AUTS2: variants seen among roughly 807,000 people sequenced by gnomAD.
AUTS2 encodes the protein activator of transcription and developmental regulator AUTS2.
Under a neutral mutation model 112.4 loss-of-function variants are expected in AUTS2, and 17 were observed. The observed-to-expected ratio is 0.15, with a 90% CI of 0.10 to 0.23. The LOEUF (loss-of-function observed/expected upper bound fraction) is 0.23, where lower values mean the gene tolerates loss of function less well. Among genes scored for constraint, AUTS2 ranks in the 10% least tolerant of loss-of-function variants. The pLI, the probability that AUTS2 is intolerant of heterozygous loss-of-function variation, is 1.00. For missense variants in AUTS2, 1,510 were observed against 1,701.6 expected (o/e 0.89, Z 1.98); for synonymous variants, 751 against 702.7 (o/e 1.07, Z -1.09).
intron 2 of AUTS2, among the ~76,000 whole-genome samples, chr7:70,016,386 TC>T (rs1275514890): frequency 1.3e-5 from 2 of 152,132 alleles, no homozygotes; most frequent in Non-Finnish European, 2.9e-5. Flanking sequence ...ATTTTTTTTT[TC>T]CTGACTTCAC....
intron 5 of AUTS2, among the ~76,000 whole-genome samples, chr7:70,537,853 A>G (rs1800384522): frequency 6.6e-6 from 1 of 152,190 alleles, no homozygotes; most frequent in Non-Finnish European, 1.5e-5. Context: ...TATCTTGAGA[A>G]ACCTGACTGC....
Position 70,790,957 on chromosome 7 carries a change from G to GC in AUTS2, c.3746dup (p.Ser1250PhefsTer32). On this transcript the variant is annotated frameshift_variant, in exon 19 of 19. Coordinates refer to ENST00000342771, the MANE Select transcript of AUTS2 (RefSeq NM_015570.4). LOFTEE classifies it high-confidence loss of function. The surrounding 1 kb of genome is among the most constrained non-coding windows in gnomAD (Gnocchi z 7.6). ...CTCTGTCCGCAGAGATAAGGGAGAG[G>GC]CCCCCTTCCCACACGCTGAAGGATA... 1 of 1,511,314 alleles carries GC rather than the reference G, an allele frequency of 6.6e-7. No homozygotes were observed. The highest frequency in any genetic ancestry group is 8.9e-7 in the Non-Finnish European group (1 of 1,129,800). 93.6% of individuals were successfully genotyped at this position (1,511,314 alleles called of 1,614,324 possible).
At chr7:69,962,463 C>A (rs1471341991) in intron 2 of AUTS2, among the ~76,000 whole-genome samples, 1 of 152,130 alleles carries the variant, frequency 6.6e-6, no homozygotes, top group East Asian at 1.9e-4. Flanking sequence ...TAGGAAAGAG[C>A]ATGGGGCTTT....
intron 4 of AUTS2, among the ~76,000 whole-genome samples, chr7:70,416,340 G>A (rs904210862): frequency 3.9e-5 from 6 of 152,170 alleles, no homozygotes; most frequent in African/African-American, 1.4e-4. Flanking sequence ...TGTCCAGTGT[G>A]TAACAGGCCC....
At chr7:70,260,546 C>T (rs1419780221) in intron 4 of AUTS2, among the ~76,000 whole-genome samples, 5 of 151,874 alleles carry the variant, frequency 3.3e-5, no homozygotes, top group Non-Finnish European at 7.4e-5. Flanking sequence ...AGGGGGTGAG[C>T]ATGCTAACAT....
intron 2 of AUTS2, among the ~76,000 whole-genome samples, chr7:69,915,625 A>T (rs937424249): frequency 6.6e-6 from 1 of 152,238 alleles, no homozygotes; most frequent in Non-Finnish European, 1.5e-5. Flanking sequence ...GGAACTGTTT[A>T]TGATAAATAG....
intron 5 of AUTS2, among the ~76,000 whole-genome samples, chr7:70,643,604 T>C (rs1445921588): frequency 2.6e-5 from 4 of 152,188 alleles, no homozygotes; most frequent in Non-Finnish European, 4.4e-5. Context: ...GTGACAAACC[T>C]AAGTTATCTT....
At chr7:70,135,231 C>T (rs1042176372) in intron 4 of AUTS2, among the ~76,000 whole-genome samples, 1 of 152,086 alleles carries the variant, frequency 6.6e-6, no homozygotes, top group African/African-American at 2.4e-5. Flanking sequence ...CAGCAGTTGT[C>T]ACTTCATTAT....
At chr7:70,494,721 A>G (rs1798382230) in intron 5 of AUTS2, among the ~76,000 whole-genome samples, 1 of 152,204 alleles carries the variant, frequency 6.6e-6, no homozygotes, top group Admixed American at 6.5e-5. Context: ...GAACTTCACT[A>G]AACTTCCCAA....
At chr7:70,012,267 T>TG (rs1461668043) in intron 2 of AUTS2, among the ~76,000 whole-genome samples, 1 of 152,072 alleles carries the variant, frequency 6.6e-6, no homozygotes. Context: ...GTCTCCACAT[T>TG]GTTCTCTCTT....
chr7:70,593,100 C>T (rs528327221), intron 5 of AUTS2, among the ~76,000 whole-genome samples: 149 of 152,070 alleles, frequency 9.8e-4, no homozygotes, highest in Non-Finnish European at 2.0e-3. Context: ...ATTCTCCTGC[C>T]TCTGCCTCCT....
chr7:69,758,197 C>T (rs760554669), intron 1 of AUTS2, among the ~76,000 whole-genome samples: 1 of 152,186 alleles, frequency 6.6e-6, no homozygotes, highest in East Asian at 1.9e-4. Context: ...GATCTCATTG[C>T]AAACACAGCC....
intron 4 of AUTS2, among the ~76,000 whole-genome samples, chr7:70,311,535 T>C (rs1159340522): frequency 6.6e-6 from 1 of 152,136 alleles, no homozygotes; most frequent in Non-Finnish European, 1.5e-5. Flanking sequence ...AAATCTCTTT[T>C]TGTTGTTGTT....
chr7:70,750,832 G>A (rs1242709508), intron 6 of AUTS2, among the ~76,000 whole-genome samples: 1 of 152,204 alleles, frequency 6.6e-6, no homozygotes, highest in African/African-American at 2.4e-5. Flanking sequence ...GCAGGAAGGT[G>A]GTAGATGACG....
chr7:70,725,827 TTTA>T (rs1786993371), intron 6 of AUTS2, among the ~76,000 whole-genome samples: 1 of 152,086 alleles, frequency 6.6e-6, no homozygotes, highest in Admixed American at 6.6e-5. Flanking sequence ...TGTCCTCCCC[TTTA>T]TATAAAGGAC....
intron 6 of AUTS2, among the ~76,000 whole-genome samples, chr7:70,707,617 C>T (rs905946016): frequency 2.0e-5 from 3 of 152,144 alleles, no homozygotes; most frequent in Middle Eastern, 3.2e-3. Flanking sequence ...CATACCTTCC[C>T]AAAGTATTTA....
chr7:70,075,989 C>T (rs1803009299), intron 2 of AUTS2, among the ~76,000 whole-genome samples: 1 of 152,174 alleles, frequency 6.6e-6, no homozygotes, highest in South Asian at 2.1e-4. Flanking sequence ...AGCAGGAAAG[C>T]AGCCACATAG....
chr7:70,348,534 G>A (rs1486445959), intron 4 of AUTS2, among the ~76,000 whole-genome samples: 1 of 152,168 alleles, frequency 6.6e-6, no homozygotes, highest in African/African-American at 2.4e-5. Flanking sequence ...GCTGGGCACG[G>A]TGGCTCACGC....
At chr7:70,656,222 T>C (rs1278221464) in intron 5 of AUTS2, among the ~76,000 whole-genome samples, 2 of 152,174 alleles carry the variant, frequency 1.3e-5, no homozygotes, top group Non-Finnish European at 2.9e-5. Context: ...AATCATATAA[T>C]GTCTGCATTT....
Sources: allele counts gnomAD v4.1 joint callset (sites outside exome capture counted in the v4.1 genomes callset), GRCh38; gene constraint gnomAD v4.1.1; non-coding constraint Gnocchi (gnomAD v3.1); transcripts MANE v1.5; gene names NCBI Gene and HGNC (gene_info 2026-07-23, HGNC 2026-07-21).